The following COMMD10 variants were observed in gnomAD, a reference collection of about 807,000 sequenced individuals.
COMMD10 encodes the protein COMM domain-containing protein 10.
A neutral mutation model predicts 28.9 loss-of-function variants in COMMD10; 33 were observed. The observed-to-expected ratio is 1.14, with a 90% CI of 0.87 to 1.53. COMMD10 has a LOEUF of 1.53. COMMD10 is among the 40% of genes most tolerant of loss of function. COMMD10 has a pLI of 0.00. For missense variants in COMMD10, 310 were observed against 233.4 expected, an observed-to-expected ratio of 1.33 and a Z score of -2.14; for synonymous variants, 110 against 81.7, an observed-to-expected ratio of 1.35 and a Z score of -1.87.
intron 5 of COMMD10, among the ~76,000 whole-genome samples, chr5:116,142,231 A>T (rs1561626999): frequency 6.6e-6 from 1 of 151,784 alleles, no homozygotes; most frequent in Non-Finnish European, 1.5e-5. Context: ...TTTCAAACTC[A>T]TCATTAATAT....
intron 5 of COMMD10, among the ~76,000 whole-genome samples, chr5:116,145,034 A>G (rs1288588018): frequency 2.0e-5 from 3 of 151,842 alleles, no homozygotes; most frequent in Non-Finnish European, 4.4e-5. Flanking sequence ...ACTTGTCTTC[A>G]TAGAGAAGAG....
intron 5 of COMMD10, among the ~76,000 whole-genome samples, chr5:116,149,553 C>T (rs7707699): frequency 0.87 from 122,334 of 140,484 alleles, 53,488 homozygotes; most frequent in Non-Finnish European, 0.9. Context: ...CCATTCTAAC[C>T]GGTGTGAGAT....
Position 116,237,863 on chromosome 5 carries a change from G to C in COMMD10, c.511-53654G>C, listed in dbSNP as rs141439674. On this transcript the variant is annotated intron_variant, in intron 5 of 6. Coordinates refer to ENST00000274458, the MANE Select transcript of COMMD10 (RefSeq NM_016144.4). ...TATCATCAACTCCTACTGAGAATTA[G>C]AATAACAGTAGAAACTTTGGGAAAG... Among the ~76,000 whole-genome samples, 304 of 152,188 alleles carry C rather than the reference G, an allele frequency of 2.0e-3. 2 individuals carry two copies. The highest frequency in any genetic ancestry group is 7.0e-3 in the African/African-American group (289 of 41,500).
At chr5:116,177,609 C>T (rs1282972456) in intron 5 of COMMD10, among the ~76,000 whole-genome samples, 1 of 151,378 alleles carries the variant, frequency 6.6e-6, no homozygotes, top group African/African-American at 2.4e-5. Context: ...ATCCCACTTT[C>T]CCATAGTCAT....
intron 5 of COMMD10, among the ~76,000 whole-genome samples, chr5:116,272,086 C>T (rs1472256230): frequency 1.3e-5 from 2 of 151,716 alleles, no homozygotes; most frequent in African/African-American, 4.9e-5. Context: ...ATAAAAGATG[C>T]AAATTTTATT....
chr5:116,178,898 C>A (rs908890325), intron 5 of COMMD10, among the ~76,000 whole-genome samples: 1 of 152,024 alleles, frequency 6.6e-6, no homozygotes, highest in Non-Finnish European at 1.5e-5. Flanking sequence ...ACATTGTATA[C>A]CTTAATTATT....
At chr5:116,272,029 G>A (rs976443581) in intron 5 of COMMD10, among the ~76,000 whole-genome samples, 9 of 151,716 alleles carry the variant, frequency 5.9e-5, no homozygotes, top group African/African-American at 2.2e-4. Context: ...TGTGAAATAC[G>A]AGGGTACTTC....
At chr5:116,245,222 G>A (rs542660105) in intron 5 of COMMD10, among the ~76,000 whole-genome samples, 6 of 151,974 alleles carry the variant, frequency 3.9e-5, no homozygotes, top group South Asian at 4.1e-4. Flanking sequence ...GAATACTTCC[G>A]TGCACATAAA....
At chr5:116,122,507 A>G (rs1000070742) in intron 4 of COMMD10, among the ~76,000 whole-genome samples, 1 of 152,208 alleles carries the variant, frequency 6.6e-6, no homozygotes, top group African/African-American at 2.4e-5. Context: ...AGTTTTTCCA[A>G]TTCTGTGAAG....
At chr5:116,244,658 T>TAGAAAAAAAAAAAAA (rs1749894581) in intron 5 of COMMD10, among the ~76,000 whole-genome samples, 1 of 48,608 alleles carries the variant, frequency 2.1e-5, no homozygotes, top group Non-Finnish European at 4.2e-5. Flanking sequence ...AAAAAAAAAT[T>TAGAAAAAAAAAAAAA]ACAAAAAAAA....
intron 2 of COMMD10, 60 bp from the exon 3 acceptor site, chr5:116,091,019 A>C (rs1750278142): frequency 2.1e-6 from 2 of 969,718 alleles, no homozygotes; most frequent in Non-Finnish European, 3.1e-6. Flanking sequence ...TCTTCTGTCA[A>C]GTATGAATTT....
chr5:116,273,114 G>C (rs1057446116), intron 5 of COMMD10, among the ~76,000 whole-genome samples: 1 of 151,708 alleles, frequency 6.6e-6, no homozygotes, highest in Non-Finnish European at 1.5e-5. Flanking sequence ...GAAGAATTCA[G>C]TTTGCTCTGA....
intron 5 of COMMD10, among the ~76,000 whole-genome samples, chr5:116,140,396 G>C (rs1387138214): frequency 6.6e-6 from 1 of 151,644 alleles, no homozygotes; most frequent in African/African-American, 2.4e-5. Context: ...AACAAACATG[G>C]GGGTGCAGAT....
In COMMD10 at chr5:116,208,078, C is replaced by G. The variant is rs73259007; in HGVS notation, c.510+73900C>G. Among the ~76,000 whole-genome samples, 1,205 of 152,176 alleles carry G rather than the reference C, an allele frequency of 7.9e-3. 17 individuals are homozygous for G. The highest frequency in any genetic ancestry group is 0.027 in the African/African-American group (1,114 of 41,522). On this transcript the variant is annotated intron_variant, in intron 5 of 6. Coordinates refer to ENST00000274458, the MANE Select transcript of COMMD10 (RefSeq NM_016144.4). ...TGCTTACTAGAAAAGTTGAAGAAATCACTTCATTATTTGTTTGAGTTTCCT... is the reference window on the plus strand; with the variant it reads ...TGCTTACTAGAAAAGTTGAAGAAATGACTTCATTATTTGTTTGAGTTTCCT...
At chr5:116,182,483 A>G (rs1748004780) in intron 5 of COMMD10, among the ~76,000 whole-genome samples, 1 of 152,118 alleles carries the variant, frequency 6.6e-6, no homozygotes, top group South Asian at 2.1e-4. Context: ...AGGTGATTAA[A>G]AATTGATACA....
chr5:116,108,581 C>T (rs968718857), intron 4 of COMMD10, among the ~76,000 whole-genome samples: 4 of 152,234 alleles, frequency 2.6e-5, no homozygotes, highest in Non-Finnish European at 4.4e-5. Context: ...GACTGCTGTG[C>T]TAGCAGCGAG....
At chr5:116,209,672 A>G (rs538184249) in intron 5 of COMMD10, among the ~76,000 whole-genome samples, 184 of 152,306 alleles carry the variant, frequency 1.2e-3, no homozygotes, top group African/African-American at 4.3e-3. Context: ...GTTAGTAGCA[A>G]GGAATGAGTG....
intron 4 of COMMD10, among the ~76,000 whole-genome samples, chr5:116,100,672 C>G (rs969891226): frequency 1.4e-5 from 2 of 140,654 alleles, no homozygotes; most frequent in Non-Finnish European, 3.0e-5. Flanking sequence ...AATGAGAGGG[C>G]CAATTGAAAA....
At chr5:116,114,603 G>A (rs1237668268) in intron 4 of COMMD10, among the ~76,000 whole-genome samples, 1 of 152,202 alleles carries the variant, frequency 6.6e-6, no homozygotes, top group African/African-American at 2.4e-5. Context: ...GGGCAAAGCT[G>A]GGTAAATCTG....
Sources: gnomAD v4.1 joint callset for allele counts (sites outside exome capture counted in the v4.1 genomes callset) on GRCh38, gnomAD v4.1.1 for gene constraint, MANE v1.5 for transcripts, NCBI Gene and HGNC (gene_info 2026-07-23, HGNC 2026-07-21) for gene names.